The following NFIB variants were observed in gnomAD, a reference collection of about 807,000 sequenced individuals.
NFIB encodes nuclear factor I B.
NFIB carries 11 observed loss-of-function variants against 61.5 expected under a neutral mutation model. The ratio of observed to expected loss-of-function variants is 0.18; its 90% confidence interval spans 0.11 to 0.30. The LOEUF (loss-of-function observed/expected upper bound fraction) is 0.30. NFIB is among the 10% of genes least tolerant of loss of function. NFIB has a pLI of 1.00. For missense variants in NFIB, 471 were observed against 608.9 expected (o/e 0.77, Z 2.38); for synonymous variants, 260 against 216.5 (o/e 1.20, Z -1.76).
At chr9:14,485,382 A>C in the NFIB span, among the ~76,000 whole-genome samples, 1 of 152,232 alleles carries the variant, frequency 6.6e-6, no homozygotes, top group Non-Finnish European at 1.5e-5. Flanking sequence ...TCAACTTTTA[A>C]AATCATGTTT....
At chr9:14,198,872 A>C (rs1039195494) in intron 2 of NFIB, among the ~76,000 whole-genome samples, 2 of 152,052 alleles carry the variant, frequency 1.3e-5, no homozygotes, top group South Asian at 4.2e-4. Flanking sequence ...ACCAATCTCC[A>C]CTTTTCTCCC....
upstream of NFIB, among the ~76,000 whole-genome samples, chr9:14,400,942 C>G (rs1430346301): frequency 6.6e-6 from 1 of 152,214 alleles, no homozygotes; most frequent in Non-Finnish European, 1.5e-5. Flanking sequence ...TCAGCGACCA[C>G]TCCTCGGGCC....
intron 2 of NFIB, among the ~76,000 whole-genome samples, chr9:14,248,778 G>A (rs759601044): frequency 1.5e-4 from 23 of 152,168 alleles, no homozygotes; most frequent in Non-Finnish European, 2.4e-4. Flanking sequence ...GCCCAGGAAC[G>A]TCTGCAGGGA....
chr9:14,266,947 T>C (rs2057253275), intron 2 of NFIB, among the ~76,000 whole-genome samples: 1 of 152,136 alleles, frequency 6.6e-6, no homozygotes, highest in African/African-American at 2.4e-5. Context: ...ATCCAAGAGA[T>C]GAAAGCAGAC....
chr9:14,389,858 T>C (rs2061599118), intron 1 of NFIB, among the ~76,000 whole-genome samples: 2 of 152,180 alleles, frequency 1.3e-5, no homozygotes, highest in Non-Finnish European at 2.9e-5. Context: ...GCCAGACACA[T>C]TGAGTTGATA....
the NFIB span, among the ~76,000 whole-genome samples, chr9:14,530,413 GGAGA>G: frequency 3.8e-3 from 573 of 149,624 alleles, 14 homozygotes; most frequent in Admixed American, 0.027. Context: ...AAAGAGAGAG[GGAGA>G]GAGAGAGAGA....
At position 14,307,586 on chromosome 9, in the gene NFIB, TAAGAA is replaced by T; in HGVS notation, c.31-71_31-67del. The T allele has an allele frequency of 1.4e-6, 2 of 1,449,702 alleles. No individual in the cohort carries two copies. Among genetic ancestry groups the T allele is most frequent in the African/African-American group, 1.4e-5 (1 of 70,832 alleles). 89.8% of individuals were successfully genotyped at this position (1,449,702 alleles called of 1,614,324 possible). On this transcript the variant is annotated intron_variant, in intron 1 of 10. Transcript: ENST00000380953. This position sits in a 1 kb window ranked among gnomAD's most constrained non-coding sequence, Gnocchi z 5.3. ...AGTTTAATTTTAAAAGCTCAAAAAA[TAAGAA>T]AAGAAGACCACAACCCGTTTCCAAT... is the stretch of plus-strand genomic sequence containing the variant.
upstream of NFIB, among the ~76,000 whole-genome samples, chr9:14,401,822 C>G (rs910684830): frequency 2.0e-5 from 3 of 152,112 alleles, no homozygotes; most frequent in African/African-American, 7.2e-5. Context: ...TACAGAAATT[C>G]TTTTCCAGAA....
chr9:14,511,311 AT>A, the NFIB span, among the ~76,000 whole-genome samples: 1 of 151,650 alleles, frequency 6.6e-6, no homozygotes, highest in Non-Finnish European at 1.5e-5. Context: ...ATTTTTGAGG[AT>A]TTTACACTTG....
chr9:14,476,492 G>A, the NFIB span, among the ~76,000 whole-genome samples: 33 of 152,186 alleles, frequency 2.2e-4, no homozygotes, highest in East Asian at 6.4e-3. Flanking sequence ...CCATTAATAA[G>A]CTGTATTAAT....
At chr9:14,427,943 T>TTTTTTTG in the NFIB span, among the ~76,000 whole-genome samples, 56 of 76,408 alleles carry the variant, frequency 7.3e-4, 3 homozygotes, top group East Asian at 1.2e-3. Context: ...AGTTGTTTTT[T>TTTTTTTG]TTTTTTTTTT....
At chr9:14,492,396 A>T in the NFIB span, among the ~76,000 whole-genome samples, 1 of 151,660 alleles carries the variant, frequency 6.6e-6, no homozygotes, top group African/African-American at 2.4e-5. Flanking sequence ...ATAAATATTT[A>T]AAAAATAAAA....
At chr9:14,365,264 T>A (rs1323284794) in intron 1 of NFIB, among the ~76,000 whole-genome samples, 1 of 152,202 alleles carries the variant, frequency 6.6e-6, no homozygotes, top group African/African-American at 2.4e-5. Context: ...TCAGATGTAA[T>A]GGTTTCACAT....
In NFIB at chr9:14,340,834, C is replaced by T. The variant is rs114555615; in HGVS notation, c.109-33314G>A. On this transcript the variant is annotated intron_variant, in intron 1 of 8. Coordinates refer to the NFIB transcript ENST00000380934. Reference sequence around the variant, plus strand: ...GAGTAGGGCTACCTCTCAGGTGGTCCGGAAATGAGTTACTGACTTAGTATA... The same window carrying T: ...GAGTAGGGCTACCTCTCAGGTGGTCTGGAAATGAGTTACTGACTTAGTATA... Among the ~76,000 whole-genome samples the T allele has an allele frequency of 1.7e-3, 254 of 147,248 alleles. 2 individuals carry two copies. Among genetic ancestry groups the T allele is most frequent in the African/African-American group, 5.0e-3 (201 of 40,554 alleles).
the NFIB span, among the ~76,000 whole-genome samples, chr9:14,424,828 T>C: frequency 6.6e-6 from 1 of 152,158 alleles, no homozygotes; most frequent in African/African-American, 2.4e-5. Flanking sequence ...GGGATAAGTC[T>C]GGTGGAGTGG....
the NFIB span, among the ~76,000 whole-genome samples, chr9:14,458,604 A>T: frequency 6.6e-6 from 1 of 152,240 alleles, no homozygotes; most frequent in Non-Finnish European, 1.5e-5. Context: ...ACATGATTGT[A>T]TATCTAGAAG....
At chr9:14,416,709 A>G in the NFIB span, among the ~76,000 whole-genome samples, 1 of 151,972 alleles carries the variant, frequency 6.6e-6, no homozygotes, top group Non-Finnish European at 1.5e-5. Flanking sequence ...TGAAGAAAGA[A>G]AAAATTTTAA....
chr9:14,118,272 T>G (rs2119118060), intron 8 of NFIB, among the ~76,000 whole-genome samples: 1 of 152,198 alleles, frequency 6.6e-6, no homozygotes, highest in East Asian at 1.9e-4. Flanking sequence ...CATTCAATGG[T>G]AAAAATGTTT....
chr9:14,493,894 G>C, the NFIB span, among the ~76,000 whole-genome samples: 1 of 152,172 alleles, frequency 6.6e-6, no homozygotes, highest in African/African-American at 2.4e-5. Flanking sequence ...CTCATTAATG[G>C]AAGTGGCAGA....
Sources: allele counts gnomAD v4.1 joint callset (sites outside exome capture counted in the v4.1 genomes callset), GRCh38; gene constraint gnomAD v4.1.1; non-coding constraint Gnocchi (gnomAD v3.1); transcripts MANE v1.5; gene names NCBI Gene and HGNC (gene_info 2026-07-23, HGNC 2026-07-21).